Variants in CFAP44 observed in about 807,000 individuals in gnomAD.
CFAP44 encodes cilia- and flagella-associated protein 44.
CFAP44 carries 134 observed loss-of-function variants against 216.2 expected under a neutral mutation model. The ratio of observed to expected loss-of-function variants is 0.62; its 90% confidence interval spans 0.54 to 0.72. The LOEUF (loss-of-function observed/expected upper bound fraction) is 0.72. Ranked by LOEUF, CFAP44 falls within the 30% of genes least tolerant of loss-of-function variation. The pLI, the probability that CFAP44 is intolerant of heterozygous loss-of-function variation, is 0.00. For synonymous variants in CFAP44, 700 were observed against 727.6 expected, an observed-to-expected ratio of 0.96 and a Z score of 0.61; for missense variants, 2,035 against 2,182.1, an observed-to-expected ratio of 0.93 and a Z score of 1.34.
At chr3:113,328,466 T>G (rs1457631546) in intron 26 of CFAP44, among the ~76,000 whole-genome samples, 1 of 151,122 alleles carries the variant, frequency 6.6e-6, no homozygotes, top group Non-Finnish European at 1.5e-5. Context: ...TCCCCCCCAG[T>G]ATCACAAAGG....
intron 13 of CFAP44, chr3:113,397,234 G>C (rs569285114): frequency 6.3e-6 from 1 of 157,966 alleles, no homozygotes; most frequent in South Asian, 1.8e-4. Flanking sequence ...CTAGGTACAG[G>C]AAGGTGGCAC....
intron 18 of CFAP44, among the ~76,000 whole-genome samples, chr3:113,368,189 T>A (rs1221733646): frequency 1.3e-5 from 2 of 152,074 alleles, no homozygotes; most frequent in Admixed American, 1.3e-4. Flanking sequence ...CAGGAGAACT[T>A]CCCCAACCTA....
intron 24 of CFAP44, among the ~76,000 whole-genome samples, chr3:113,338,255 C>CAAAAAAAAA (rs10574877): frequency 3.9e-4 from 17 of 43,044 alleles, no homozygotes; most frequent in Admixed American, 7.9e-4. Flanking sequence ...GACAATGTCT[C>CAAAAAAAAA]AAAAAAAAAA....
intron 28 of CFAP44, among the ~76,000 whole-genome samples, chr3:113,319,582 T>A (rs1230864502): frequency 6.6e-6 from 1 of 152,198 alleles, no homozygotes; most frequent in Admixed American, 6.5e-5. Context: ...CTTGACCAAT[T>A]GGACCTAATA....
chr3:113,415,258 T>C (rs979222826), intron 6 of CFAP44, among the ~76,000 whole-genome samples: 2 of 152,142 alleles, frequency 1.3e-5, no homozygotes, highest in Non-Finnish European at 2.9e-5. Flanking sequence ...TCTTCCTTCT[T>C]CCTTATTAGT....
rs989463576 is a variant in CFAP44, at chr3:113,409,318, C to T, written c.678G>A (p.Gly226=). 6.2e-7 allele frequency: 1 copy of T among 1,613,096 alleles called. No individual in the cohort carries two copies. The highest frequency in any genetic ancestry group is 8.5e-7 in the Non-Finnish European group (1 of 1,179,242). ...SLRPYRVLRD[G]TEKGYAYVDF... Reference sequence around the variant, plus strand: ...CCACATAAGCATATCCCTTCTCAGTCCCATCTGGAAGGATAAATGGAAGCC... The same window carrying T: ...CCACATAAGCATATCCCTTCTCAGTTCCATCTGGAAGGATAAATGGAAGCC... The change falls in exon 7 of 35, where the codon GGG becomes GGA. Residue 226 remains glycine (G), a synonymous_variant. Transcript: ENST00000393845.
At chr3:113,387,271 G>A (rs1415856461) in intron 15 of CFAP44, among the ~76,000 whole-genome samples, 2 of 152,094 alleles carry the variant, frequency 1.3e-5, no homozygotes, top group Non-Finnish European at 2.9e-5. Flanking sequence ...TCGCAGCTCT[G>A]GGAGATAATT....
intron 4 of CFAP44, among the ~76,000 whole-genome samples, chr3:113,423,368 T>G (rs1934871759): frequency 6.6e-6 from 1 of 152,096 alleles, no homozygotes; most frequent in Non-Finnish European, 1.5e-5. Context: ...GGCTGCCTCC[T>G]GAGCTCAAGT....
At chr3:113,375,740 G>C (rs1358902606) in intron 17 of CFAP44, among the ~76,000 whole-genome samples, 1 of 152,188 alleles carries the variant, frequency 6.6e-6, no homozygotes, top group Non-Finnish European at 1.5e-5. Context: ...AGAATCACTT[G>C]AGCCTGGGAA....
chr3:113,409,049 T>A, intron 7 of CFAP44, 57 bp downstream of exon 7: 3 of 899,148 alleles, frequency 3.3e-6, no homozygotes, highest in Non-Finnish European at 5.0e-6. Context: ...TCTTAGATCC[T>A]CTTAGAAAAA....
At chr3:113,313,457 T>A (rs898637432) in intron 28 of CFAP44, among the ~76,000 whole-genome samples, 3 of 152,102 alleles carry the variant, frequency 2.0e-5, no homozygotes, top group Admixed American at 2.0e-4. Context: ...TTTGGGTTAA[T>A]GCTGAAATGA....
In CFAP44 at chr3:113,306,074, C is replaced by A. The variant is rs944202131; in HGVS notation, c.4758+127G>T. On this transcript the variant is annotated intron_variant, in intron 30 of 34. Coordinates refer to ENST00000393845, the MANE Select transcript of CFAP44 (RefSeq NM_001164496.2). ...CACAATTTAGGGAGAAAAAAACCTG[C>A]CCTTAACATTTGAAATGTTTCTTTT... The A allele has an allele frequency of 7.8e-5, 92 of 1,185,214 alleles. 1 individual carries two copies. Among genetic ancestry groups the A allele is most frequent in the Non-Finnish European group, 4.8e-5 (43 of 891,436 alleles). The allele number at this position is 1,185,214 out of a possible 1,614,324, so 73.4% of individuals were successfully genotyped here. A position where few individuals can be genotyped will look rare whatever the true frequency, so the allele number is the denominator to read the frequency against.
Position 113,400,661 on chromosome 3 carries a change from A to G in CFAP44, c.1375-17T>C. ...GTCCTGGGTCTGAGAATAGATAGAC[A>G]GCTTACTAGATCTCAAAGACAGAGT... On this transcript the variant is annotated splice_polypyrimidine_tract_variant and intron_variant, in intron 11 of 34. Transcript: ENST00000393845. The G allele has an allele frequency of 1.9e-6, 3 of 1,596,102 alleles. No individual in the cohort carries two copies. Among genetic ancestry groups the G allele is most frequent in the Non-Finnish European group, 2.6e-6 (3 of 1,166,686 alleles).
intron 15 of CFAP44, among the ~76,000 whole-genome samples, chr3:113,386,509 G>GA (rs1321763087): frequency 2.8e-4 from 43 of 152,266 alleles, no homozygotes; most frequent in African/African-American, 8.7e-4. Context: ...CATATTACAT[G>GA]AAACAGTGAA....
intron 15 of CFAP44, among the ~76,000 whole-genome samples, chr3:113,393,506 C>T (rs1933901080): frequency 6.6e-6 from 1 of 152,028 alleles, no homozygotes; most frequent in Admixed American, 6.6e-5. Flanking sequence ...TAAAAAGAGC[C>T]TGGCACCTCC....
chr3:113,304,137 CA>C lies in CFAP44; in HGVS notation c.4876-21del, dbSNP rs1468650312. On this transcript the variant is annotated intron_variant, in intron 31 of 34. Transcript: ENST00000393845. ...CTCTATCTACAAGCATAAAACAAAT[CA>C]AAAGAAAATAGACAAAAACACAGAT... 1 of 1,525,352 alleles carries C rather than the reference CA, an allele frequency of 6.6e-7. No homozygotes were observed. The highest frequency in any genetic ancestry group is 1.4e-5 in the African/African-American group (1 of 72,604). The allele number at this position is 1,525,352 out of a possible 1,614,324, so 94.5% of individuals were successfully genotyped here.
chr3:113,427,056 GTCCTT>G, intron 3 of CFAP44, 126 bp downstream of exon 3: 2 of 1,004,672 alleles, frequency 2.0e-6, no homozygotes, highest in Non-Finnish European at 3.0e-6. Context: ...ATATGTACTT[GTCCTT>G]TTATCATTCC....
intron 21 of CFAP44, chr3:113,360,313 A>G (rs1950527068): frequency 4.7e-6 from 1 of 212,102 alleles, no homozygotes; most frequent in African/African-American, 2.3e-5. Context: ...TTGTAGAAAC[A>G]TGTAGATTGT....
Position 113,427,229 on chromosome 3 carries a change from T to G in CFAP44, c.211A>C (p.Ser71Arg). 6.2e-7 allele frequency: 1 copy of G among 1,613,458 alleles called. No homozygotes were observed. The highest frequency in any genetic ancestry group is 2.2e-5 in the East Asian group (1 of 44,800). The change falls in exon 3 of 35, where the codon AGT (serine) becomes CGT (arginine). Residue 71 changes from serine (S) to arginine (R), a missense_variant. Physicochemically the swap from Ser to Arg is moderately radical, Grantham distance 110 (BLOSUM62 -1). Transcript: ENST00000393845. ...TCACCATACTGAAATGAACTCAAAC[T>G]TCCTTCCAAACGTTCCTCATCTGAG... Reference protein sequence around the residue: ...EDSDEERLEGSLSSFQYGDLQ... With the variant: ...EDSDEERLEGRLSSFQYGDLQ...
Sources: gnomAD v4.1 joint callset for allele counts (sites outside exome capture counted in the v4.1 genomes callset) on GRCh38, gnomAD v4.1.1 for gene constraint, MANE v1.5 for transcripts, NCBI Gene and HGNC (gene_info 2026-07-23, HGNC 2026-07-21) for gene names.